Variants in MIPOL1 observed in about 807,000 individuals in gnomAD.
The protein encoded by MIPOL1 is mirror-image polydactyly gene 1 protein.
MIPOL1 carries 57 observed loss-of-function variants against 60.9 expected under a neutral mutation model. The observed-to-expected ratio is 0.94, with a 90% CI of 0.76 to 1.17. The LOEUF is 1.17. Ranked by LOEUF, MIPOL1 falls within the 50% of genes most tolerant of loss-of-function variation. The pLI, the probability that MIPOL1 is intolerant of heterozygous loss-of-function variation, is 0.00. For synonymous variants in MIPOL1, 179 were observed against 168.8 expected (o/e 1.06, Z -0.47); for missense variants, 551 against 511.6 (o/e 1.08, Z -0.74).
intron 12 of MIPOL1, among the ~76,000 whole-genome samples, chr14:37,510,349 G>A (rs1400295831): frequency 6.6e-6 from 1 of 151,952 alleles, no homozygotes; most frequent in African/African-American, 2.4e-5. Context: ...CCAGGAGCTG[G>A]GACTACAGGC....
chr14:37,428,316 G>A (rs1019652433), intron 11 of MIPOL1, among the ~76,000 whole-genome samples: 1 of 152,164 alleles, frequency 6.6e-6, no homozygotes, highest in Admixed American at 6.5e-5. Flanking sequence ...CTAATTAGTG[G>A]CCGGGCATGG....
At chr14:37,212,366 A>T (rs1304865898) in intron 1 of MIPOL1, 1 of 152,144 alleles carries the variant, frequency 6.6e-6, no homozygotes, top group Non-Finnish European at 1.5e-5. Context: ...GGTGAGTCAC[A>T]ACCCAGAAAG....
At chr14:37,335,007 T>G (rs2089999582) in intron 9 of MIPOL1, among the ~76,000 whole-genome samples, 2 of 152,066 alleles carry the variant, frequency 1.3e-5, no homozygotes, top group South Asian at 4.1e-4. Flanking sequence ...GAGCATATTT[T>G]TCATTTCTCT....
intron 10 of MIPOL1, among the ~76,000 whole-genome samples, chr14:37,420,014 A>T (rs1034313272): frequency 2.0e-5 from 3 of 151,850 alleles, no homozygotes; most frequent in Admixed American, 6.6e-5. Flanking sequence ...GCACTGGGAA[A>T]TGAGGCATGA....
intron 11 of MIPOL1, among the ~76,000 whole-genome samples, chr14:37,426,209 G>C (rs578260469): frequency 1.3e-5 from 2 of 152,040 alleles, no homozygotes; most frequent in East Asian, 3.9e-4. Context: ...GCCAAATTGT[G>C]ATCAGAGACA....
intron 1 of MIPOL1, among the ~76,000 whole-genome samples, chr14:37,222,024 A>C (rs925590619): frequency 5.9e-5 from 9 of 152,168 alleles, no homozygotes; most frequent in Admixed American, 5.9e-4. Context: ...AATCAGATAC[A>C]GTTGAAACTC....
Position 37,548,843 on chromosome 14 carries a change from A to T in MIPOL1, c.*1872A>T, listed in dbSNP as rs997494365. On this transcript the variant is annotated 3_prime_UTR_variant, in exon 13 of 13. Transcript: ENST00000684589. ...AAACAAATCTTTCTACGCTTAAATG[A>T]TCAAATTAGAAAAACCAATTCCTAT... 5.3e-5 allele frequency: 8 copies of T among 152,004 alleles called. No individual in the cohort carries two copies. The highest frequency in any genetic ancestry group is 5.2e-4 in the Admixed American group (8 of 15,262). 9.4% of individuals were successfully genotyped at this position (152,004 alleles called of 1,614,324 possible). A position where few individuals can be genotyped will look rare whatever the true frequency, so the allele number is the denominator to read the frequency against.
intron 7 of MIPOL1, among the ~76,000 whole-genome samples, chr14:37,296,521 T>C (rs556618048): frequency 1.3e-5 from 2 of 152,138 alleles, no homozygotes; most frequent in South Asian, 4.2e-4. Context: ...CAGAAGCTGG[T>C]TTTTTGAAAA....
intron 1 of MIPOL1, among the ~76,000 whole-genome samples, chr14:37,203,752 T>C (rs759970070): frequency 2.6e-5 from 4 of 152,190 alleles, no homozygotes; most frequent in Non-Finnish European, 5.9e-5. Flanking sequence ...AGTAAGGAAC[T>C]GAGGTTCTCA....
chr14:37,283,931 A>G (rs948316036), intron 6 of MIPOL1, among the ~76,000 whole-genome samples: 1 of 152,098 alleles, frequency 6.6e-6, no homozygotes, highest in African/African-American at 2.4e-5. Flanking sequence ...CCAAGCTGTT[A>G]TTATTGCCCT....
intron 10 of MIPOL1, among the ~76,000 whole-genome samples, chr14:37,408,684 A>C (rs948974202): frequency 6.6e-6 from 1 of 152,144 alleles, no homozygotes. Context: ...AAACCAAGCT[A>C]ATCTACCAAA....
At chr14:37,332,522 A>C (rs1269091227) in intron 9 of MIPOL1, among the ~76,000 whole-genome samples, 1 of 152,188 alleles carries the variant, frequency 6.6e-6, no homozygotes, top group Non-Finnish European at 1.5e-5. Context: ...GTTGACTAAC[A>C]CATCTTTTAT....
At position 37,270,764 on chromosome 14, in the gene MIPOL1, T is replaced by A. The variant is rs142556538; in HGVS notation, c.493+239T>A. On this transcript the variant is annotated intron_variant, in intron 6 of 12. Coordinates refer to ENST00000684589, the MANE Select transcript of MIPOL1 (RefSeq NM_001388067.1). Reference sequence around the variant, plus strand: ...GGCATTAAATGCATTGTTAACACCATGTCAATCCAATCACAAAAAGGTTGT... The same window carrying A: ...GGCATTAAATGCATTGTTAACACCAAGTCAATCCAATCACAAAAAGGTTGT... Among the ~76,000 whole-genome samples, 611 of 150,922 alleles carry A rather than the reference T, an allele frequency of 4.0e-3. 2 individuals carry two copies. The Middle Eastern group carries it at 0.048, about 12-fold the overall frequency.
chr14:37,234,361 CT>C (rs3061899), intron 1 of MIPOL1, among the ~76,000 whole-genome samples: 2,538 of 135,004 alleles, frequency 0.019, 27 homozygotes, highest in Non-Finnish European at 0.028. Flanking sequence ...CTTTTCTTTT[CT>C]TTTTTTTTTT....
At chr14:37,453,418 T>C (rs919025550) in intron 11 of MIPOL1, among the ~76,000 whole-genome samples, 1 of 152,140 alleles carries the variant, frequency 6.6e-6, no homozygotes, top group African/African-American at 2.4e-5. Flanking sequence ...ATTTGTCTTA[T>C]AAAATTTTAA....
chr14:37,445,970 C>G (rs1332501973), intron 11 of MIPOL1, among the ~76,000 whole-genome samples: 3 of 152,068 alleles, frequency 2.0e-5, no homozygotes, highest in African/African-American at 7.2e-5. Context: ...CATAAAAACC[C>G]TAGAAGAAAA....
intron 12 of MIPOL1, among the ~76,000 whole-genome samples, chr14:37,516,414 G>A (rs911802897): frequency 2.6e-5 from 4 of 152,068 alleles, no homozygotes; most frequent in Non-Finnish European, 5.9e-5. Context: ...CATTTCTTCT[G>A]ATTTGAGGAC....
intron 9 of MIPOL1, among the ~76,000 whole-genome samples, chr14:37,362,360 C>T (rs113908098): frequency 1.3e-5 from 2 of 152,164 alleles, no homozygotes; most frequent in African/African-American, 4.8e-5. Flanking sequence ...TTCTCCTTCA[C>T]TTATGAAGCT....
At chr14:37,204,499 T>C (rs1048057053) in intron 1 of MIPOL1, among the ~76,000 whole-genome samples, 11 of 152,128 alleles carry the variant, frequency 7.2e-5, no homozygotes, top group African/African-American at 1.9e-4. Context: ...TCTCATACCG[T>C]TCTCATGGTA....
Sources: gnomAD v4.1 joint callset for allele counts (sites outside exome capture counted in the v4.1 genomes callset) on GRCh38, gnomAD v4.1.1 for gene constraint, MANE v1.5 for transcripts, NCBI Gene and HGNC (gene_info 2026-07-23, HGNC 2026-07-21) for gene names.